HECW2: variants seen among roughly 807,000 people sequenced by gnomAD.
HECW2 encodes the protein E3 ubiquitin-protein ligase HECW2.
In HECW2, 61 loss-of-function variants were observed where a neutral mutation model predicts 175.2. The ratio of observed to expected loss-of-function variants is 0.35; its 90% confidence interval spans 0.28 to 0.43. The LOEUF is 0.43. Among genes scored for constraint, HECW2 ranks in the 20% least tolerant of loss-of-function variants. The pLI, the probability that HECW2 is intolerant of heterozygous loss-of-function variation, is 1.00. For missense variants in HECW2, 1,524 were observed against 2,000.5 expected, an observed-to-expected ratio of 0.76 and a Z score of 4.54; for synonymous variants, 671 against 731.0, an observed-to-expected ratio of 0.92 and a Z score of 1.32.
chr2:196,486,529 A>T (rs537059458), intron 1 of HECW2, among the ~76,000 whole-genome samples: 1 of 152,292 alleles, frequency 6.6e-6, no homozygotes, highest in East Asian at 1.9e-4. Context: ...AGTGACCCTA[A>T]CAGAAAAGAC....
chr2:196,361,908 G>A, intron 2 of HECW2: 1 of 985,334 alleles, frequency 1.0e-6, no homozygotes, highest in Non-Finnish European at 1.2e-6. Flanking sequence ...TCATACACCT[G>A]GCCAACCCAC....
chr2:196,312,594 C>T lies in HECW2; in HGVS notation c.2435-4509G>A, dbSNP rs186514562. On this transcript the variant is annotated intron_variant, in intron 10 of 28. Transcript: ENST00000644978. ...AGGTCCATTTCCCCATACGGAGTTGCGGTCAGTGATTGAAAGGGGGTACAA... is the reference window on the plus strand; with the variant it reads ...AGGTCCATTTCCCCATACGGAGTTGTGGTCAGTGATTGAAAGGGGGTACAA... Among the ~76,000 whole-genome samples, 122 of 152,250 alleles carry T rather than the reference C, an allele frequency of 8.0e-4. 2 individuals are homozygous for T. In the East Asian group the frequency reaches 0.018, roughly 23 times the overall value.
intron 1 of HECW2, among the ~76,000 whole-genome samples, chr2:196,545,301 C>T (rs1355018577): frequency 6.6e-6 from 1 of 152,122 alleles, no homozygotes; most frequent in African/African-American, 2.4e-5. Flanking sequence ...GGCTGAAACT[C>T]CTCAGTAATT....
intron 2 of HECW2, among the ~76,000 whole-genome samples, chr2:196,388,059 T>C (rs539120569): frequency 1.3e-5 from 2 of 152,060 alleles, no homozygotes; most frequent in East Asian, 3.9e-4. Context: ...GGGAGACCAA[T>C]GTGGGAGGAT....
At chr2:196,568,218 A>G (rs766525085) in intron 1 of HECW2, among the ~76,000 whole-genome samples, 13 of 152,186 alleles carry the variant, frequency 8.5e-5, no homozygotes, top group Non-Finnish European at 1.9e-4. Context: ...ACACTCAAAT[A>G]TATATCTAAA....
At chr2:196,557,334 G>A (rs1451483830) in intron 1 of HECW2, among the ~76,000 whole-genome samples, 1 of 151,768 alleles carries the variant, frequency 6.6e-6, no homozygotes, top group African/African-American at 2.4e-5. Context: ...GGCGGAGGCT[G>A]CAGTGAGCCA....
intron 2 of HECW2, among the ~76,000 whole-genome samples, chr2:196,429,298 G>C (rs532586154): frequency 6.6e-6 from 1 of 152,180 alleles, no homozygotes; most frequent in Non-Finnish European, 1.5e-5. Context: ...ACCCTATCAG[G>C]GTTCTGACTA....
At chr2:196,506,022 T>G (rs538937371) in intron 1 of HECW2, among the ~76,000 whole-genome samples, 1 of 151,916 alleles carries the variant, frequency 6.6e-6, no homozygotes, top group South Asian at 2.1e-4. Context: ...AATAAGGCAG[T>G]CGGGGAGGGA....
chr2:196,551,448 T>C lies in HECW2; in HGVS notation c.-36+42060A>G, dbSNP rs540374074. On this transcript the variant is annotated intron_variant, in intron 1 of 28. Coordinates refer to ENST00000644978, the MANE Select transcript of HECW2 (RefSeq NM_001348768.2). ...TGACAGTCTGTAGATAACACAACTA[T>C]TTTGAATCACTCTACTCTAGAAAAT... Among the ~76,000 whole-genome samples the C allele has an allele frequency of 9.2e-5, 14 of 152,330 alleles. 1 individual carries two copies. In the South Asian group the frequency reaches 1.9e-3, roughly 20 times the overall value.
Position 196,472,643 on chromosome 2 carries a change from T to C in HECW2, c.-35-39185A>G, listed in dbSNP as rs367960014. Among the ~76,000 whole-genome samples, 102 of 152,076 alleles carry C rather than the reference T, an allele frequency of 6.7e-4. No individual in the cohort carries two copies. In the East Asian group the frequency reaches 9.1e-3, roughly 14 times the overall value. On this transcript the variant is annotated intron_variant, in intron 1 of 28. Coordinates refer to ENST00000644978, the MANE Select transcript of HECW2 (RefSeq NM_001348768.2). ...TTTTTCTTTTTCTTTTTTTTTGAGA[T>C]GGAGTTTCACTCTGGTTGCCCAGGC...
chr2:196,355,732 T>A (rs1043080660), intron 2 of HECW2, among the ~76,000 whole-genome samples: 6 of 151,978 alleles, frequency 3.9e-5, no homozygotes, highest in African/African-American at 1.2e-4. Flanking sequence ...TGGGTAGGAG[T>A]AAAAGAGTCA....
chr2:196,503,287 C>G (rs1687637408), intron 1 of HECW2, among the ~76,000 whole-genome samples: 1 of 152,162 alleles, frequency 6.6e-6, no homozygotes, highest in African/African-American at 2.4e-5. Flanking sequence ...CTCAGAGTGC[C>G]ACAGGCAGGG....
chr2:196,509,832 G>A (rs758865211), intron 1 of HECW2, among the ~76,000 whole-genome samples: 20 of 152,184 alleles, frequency 1.3e-4, no homozygotes, highest in Non-Finnish European at 2.6e-4. Flanking sequence ...ATTCAATCCT[G>A]CCAGGTTCCA....
Position 196,200,467 on chromosome 2 carries a change from T to G in HECW2, c.*810A>C, listed in dbSNP as rs1435447216. 1 of 152,666 alleles carries G rather than the reference T, an allele frequency of 6.6e-6. No individual in the cohort carries two copies. The highest frequency in any genetic ancestry group is 1.5e-5 in the Non-Finnish European group (1 of 68,042). The allele number at this position is 152,666 out of a possible 1,614,324, so 9.5% of individuals were successfully genotyped here. Reference sequence around the variant, plus strand: ...ATACAGCATGATAGGTAGGTTCTTATATACATCTTAAAGAACATAAACATA... The same window carrying G: ...ATACAGCATGATAGGTAGGTTCTTAGATACATCTTAAAGAACATAAACATA... On this transcript the variant is annotated 3_prime_UTR_variant, in exon 29 of 29. Transcript: ENST00000644978.
At chr2:196,330,115 G>C (rs964336455) in intron 4 of HECW2, among the ~76,000 whole-genome samples, 8 of 152,116 alleles carry the variant, frequency 5.3e-5, no homozygotes. Context: ...AATCCACATG[G>C]AGTCCTATCT....
intron 2 of HECW2, among the ~76,000 whole-genome samples, chr2:196,425,979 AAAC>A (rs1410901619): frequency 2.6e-5 from 4 of 152,126 alleles, no homozygotes; most frequent in Admixed American, 2.0e-4. Flanking sequence ...TGTCTTATTT[AAAC>A]ACATTGTGCA....
chr2:196,319,720 G>T lies in HECW2; in HGVS notation c.1170C>A (p.Ser390=). The stretch of plus-strand genomic sequence containing the variant: ...ATTCCTCTGTGTCTATTTCCAGAGT[G>T]GAGCTAGTCCTGAATGAATGCTTGG... ...GTPKHSFRTS[S]TLEIDTEELT... The change falls in exon 9 of 29, where the codon TCC becomes TCA. Residue 390 remains serine, a synonymous_variant. Transcript: ENST00000644978. The T allele has an allele frequency of 6.2e-7, 1 of 1,614,198 alleles. No individual in the cohort carries two copies. Among genetic ancestry groups the T allele is most frequent in the Non-Finnish European group, 8.5e-7 (1 of 1,180,034 alleles).
chr2:196,306,478 C>T lies in HECW2; in HGVS notation c.2814+10G>A, dbSNP rs776259852. 21 of 1,599,002 alleles carry T rather than the reference C, an allele frequency of 1.3e-5. No individual in the cohort carries two copies. Among genetic ancestry groups the T allele is most frequent in the Admixed American group, 1.7e-5 (1 of 57,610 alleles). ...GTTTTCCTTCACACTCTTTCAGATT[C>T]GCTACTCACAGGGTTAGAATGCAGC... On this transcript the variant is annotated intron_variant, in intron 13 of 28. Coordinates refer to ENST00000644978, the MANE Select transcript of HECW2 (RefSeq NM_001348768.2).
intron 1 of HECW2, among the ~76,000 whole-genome samples, chr2:196,505,107 T>C (rs1383070530): frequency 6.6e-6 from 1 of 152,212 alleles, no homozygotes; most frequent in African/African-American, 2.4e-5. Context: ...ATGCCTTAAA[T>C]AGGCTTTTAA....
Sources: allele counts gnomAD v4.1 joint callset (sites outside exome capture counted in the v4.1 genomes callset), GRCh38; gene constraint gnomAD v4.1.1; transcripts MANE v1.5; gene names NCBI Gene and HGNC (gene_info 2026-07-23, HGNC 2026-07-21).